The following WNK1 variants were observed in gnomAD, a reference collection of about 807,000 sequenced individuals.
WNK1 encodes serine/threonine-protein kinase WNK1.
A neutral mutation model predicts 222.8 loss-of-function variants in WNK1; 38 were observed. The observed-to-expected ratio is 0.17, with a 90% CI of 0.13 to 0.22. WNK1 has a LOEUF of 0.22. WNK1 is among the 10% of genes least tolerant of loss of function. The probability of loss-of-function intolerance (pLI) is 1.00; values close to 1 mark genes in which losing one functional copy is unlikely to be tolerated. For missense variants in WNK1, 2,348 were observed against 2,918.4 expected, an observed-to-expected ratio of 0.80 and a Z score of 4.50; for synonymous variants, 1,090 against 1,092.9, an observed-to-expected ratio of 1.00 and a Z score of 0.05.
chr12:788,845 C>T (rs1944568181), intron 1 of WNK1, among the ~76,000 whole-genome samples: 1 of 150,720 alleles, frequency 6.6e-6, no homozygotes, highest in Non-Finnish European at 1.5e-5. Context: ...CGAGATCGTG[C>T]CACTACACTC....
intron 1 of WNK1, among the ~76,000 whole-genome samples, chr12:759,128 G>T (rs1000739873): frequency 6.8e-6 from 1 of 146,774 alleles, no homozygotes; most frequent in African/African-American, 2.4e-5. Flanking sequence ...CCTGTTATTT[G>T]GGTTTTCTGG....
intron 8 of WNK1, among the ~76,000 whole-genome samples, chr12:865,702 T>C (rs1209527694): frequency 1.3e-5 from 2 of 152,214 alleles, no homozygotes; most frequent in East Asian, 3.8e-4. Flanking sequence ...TTTAAAGTTA[T>C]TGCCTTAATC....
intron 1 of WNK1, among the ~76,000 whole-genome samples, chr12:794,504 T>TG (rs1945128051): frequency 1.8e-5 from 1 of 56,612 alleles, no homozygotes; most frequent in Non-Finnish European, 4.3e-5. Flanking sequence ...TTGGTTGAAT[T>TG]TTTTTTTTTT....
At chr12:867,484 T>C (rs191685628) in intron 8 of WNK1, among the ~76,000 whole-genome samples, 2 of 152,352 alleles carry the variant, frequency 1.3e-5, no homozygotes, top group Admixed American at 1.3e-4. Context: ...TTTTATGCCT[T>C]GTTTTAGTTC....
chr12:771,161 C>CTAAATACAAA (rs1942438871), intron 1 of WNK1, among the ~76,000 whole-genome samples: 1 of 151,880 alleles, frequency 6.6e-6, no homozygotes, highest in African/African-American at 2.4e-5. Flanking sequence ...CCACGCCCGG[C>CTAAATACAAA]TAATTTTTTG....
intron 1 of WNK1, among the ~76,000 whole-genome samples, chr12:772,709 G>C (rs1942676176): frequency 1.3e-5 from 2 of 152,092 alleles, no homozygotes; most frequent in Non-Finnish European, 2.9e-5. Flanking sequence ...CATTTAGTTA[G>C]AACTAAATCT....
intron 1 of WNK1, among the ~76,000 whole-genome samples, chr12:763,321 C>T (rs116208947): frequency 0.043 from 6,281 of 147,062 alleles, 596 homozygotes; most frequent in Admixed American, 0.11. Flanking sequence ...TGGTGGCTCA[C>T]GCTTGTAATC....
chr12:795,443 A>G (rs1249987931), intron 1 of WNK1, among the ~76,000 whole-genome samples: 1 of 151,248 alleles, frequency 6.6e-6, no homozygotes, highest in Admixed American at 6.6e-5. Flanking sequence ...CGTTTCCTCC[A>G]TACTGTTCTC....
At chr12:755,896 AC>A (rs1283595376) in intron 1 of WNK1, among the ~76,000 whole-genome samples, 1 of 152,194 alleles carries the variant, frequency 6.6e-6, no homozygotes, top group Non-Finnish European at 1.5e-5. Context: ...AATATCTTGA[AC>A]CCAGCAGGTG....
At position 909,523 on chromosome 12, in the gene WNK1, G is replaced by A. The variant is rs1340532180; in HGVS notation, c.*731G>A. On this transcript the variant is annotated 3_prime_UTR_variant, in exon 28 of 28. Transcript: ENST00000315939. ...AACAGTAGTTTTAAGAGTAAAATAT[G>A]AAACGTTTAAAAAGTTCCAAAAAAA... 2 of 152,136 alleles carry A rather than the reference G, an allele frequency of 1.3e-5. No individual in the cohort carries two copies. Among genetic ancestry groups the A allele is most frequent in the African/African-American group, 4.8e-5 (2 of 41,420 alleles). 9.4% of individuals were successfully genotyped at this position (152,136 alleles called of 1,614,324 possible). A position where few individuals can be genotyped will look rare whatever the true frequency, so the allele number is the denominator to read the frequency against.
At chr12:809,238 A>AG (rs1212310623) in intron 1 of WNK1, among the ~76,000 whole-genome samples, 1 of 117,066 alleles carries the variant, frequency 8.5e-6, no homozygotes, top group Non-Finnish European at 1.8e-5. Flanking sequence ...AAAAAAAAAA[A>AG]AAAAATTTTT....
At chr12:840,705 C>A (rs1949562177) in intron 4 of WNK1, among the ~76,000 whole-genome samples, 1 of 152,276 alleles carries the variant, frequency 6.6e-6, no homozygotes, top group East Asian at 1.9e-4. Flanking sequence ...ACATATGTCA[C>A]CAGAACTTTG....
intron 1 of WNK1, among the ~76,000 whole-genome samples, chr12:808,101 A>G (rs1946550423): frequency 6.6e-6 from 1 of 151,506 alleles, no homozygotes; most frequent in African/African-American, 2.4e-5. Flanking sequence ...TGCTTTCTTC[A>G]GGAAGACCTC....
chr12:860,882 G>A (rs565391597), intron 6 of WNK1, 131 bp from the exon 7 acceptor site: 1 of 871,756 alleles, frequency 1.1e-6, no homozygotes, highest in South Asian at 1.5e-5. Context: ...GGCCAGTCCT[G>A]AGAGAATTCT....
At position 908,487 on chromosome 12, in the gene WNK1, G is replaced by T. The variant is rs780103639; in HGVS notation, c.6844G>T (p.Ala2282Ser). 1 of 1,614,158 alleles carries T rather than the reference G, an allele frequency of 6.2e-7. No individual in the cohort carries two copies. Among genetic ancestry groups the T allele is most frequent in the Admixed American group, 1.7e-5 (1 of 60,018 alleles). ...GTTTTGTTTTCAGGGCCCTGGAATG[G>T]CAAGGAAGTTCTCTGCACCTGGGCA... ...GHMNYEGPGM[A>S]RKFSAPGQLC... is the part of the protein sequence containing the mutation. Residue 2282 changes from alanine to serine, a missense_variant, in exon 28 of 28, where the codon GCA becomes TCA. Physicochemically the swap from Ala to Ser is moderately conservative, Grantham distance 99. Around this residue, in one of 13 missense-constraint regions of WNK1, gnomAD observed 55 missense variants for 104.1 expected, o/e 0.53. Transcript: ENST00000315939.
chr12:755,627 A>T (rs537790997), intron 1 of WNK1, among the ~76,000 whole-genome samples: 42 of 120,694 alleles, frequency 3.5e-4, no homozygotes, highest in Middle Eastern at 4.0e-3. Context: ...ACAGATCTTT[A>T]AAAAAAAAAA....
At chr12:835,603 G>T (rs974783563) in intron 4 of WNK1, among the ~76,000 whole-genome samples, 12 of 151,942 alleles carry the variant, frequency 7.9e-5, no homozygotes, top group Admixed American at 2.6e-4. Context: ...TCAAAAAGTT[G>T]TGCCTCACCT....
intron 1 of WNK1, among the ~76,000 whole-genome samples, chr12:754,945 C>G (rs1252884621): frequency 1.3e-5 from 2 of 152,332 alleles, no homozygotes; most frequent in South Asian, 4.1e-4. Context: ...AGCCCATTCA[C>G]TATACAGCGA....
At chr12:899,649 C>G (rs939534747) in intron 25 of WNK1, among the ~76,000 whole-genome samples, 1 of 152,064 alleles carries the variant, frequency 6.6e-6, no homozygotes, top group African/African-American at 2.4e-5. Context: ...CAACTGGGAA[C>G]CGGGGAGCAG....
Sources: allele counts gnomAD v4.1 joint callset (sites outside exome capture counted in the v4.1 genomes callset), GRCh38; gene constraint gnomAD v4.1.1; regional missense constraint gnomAD v4.1.1; transcripts MANE v1.5; gene names NCBI Gene and HGNC (gene_info 2026-07-23, HGNC 2026-07-21).